CSMD1: variants seen among roughly 807,000 people sequenced by gnomAD.
CSMD1 encodes the protein CUB and Sushi multiple domains 1.
A neutral mutation model predicts 417.5 loss-of-function variants in CSMD1; 213 were observed. That is an observed-to-expected ratio of 0.51 (90% CI 0.46 to 0.57). The LOEUF is 0.57. CSMD1 is among the 20% of genes least tolerant of loss of function. The pLI is 0.00. For missense variants in CSMD1, 6,923 were observed against 4,529.7 expected, an observed-to-expected ratio of 1.53 and a Z score of -15.17; for synonymous variants, 2,862 against 1,736.8, an observed-to-expected ratio of 1.65 and a Z score of -16.11.
At chr8:3,380,865 A>T (rs1051051629) in intron 18 of CSMD1, among the ~76,000 whole-genome samples, 1 of 151,994 alleles carries the variant, frequency 6.6e-6, no homozygotes, top group Non-Finnish European at 1.5e-5. Flanking sequence ...CGATCCGCAC[A>T]TGTGTCCCAG....
chr8:4,631,539 C>T (rs1802516147), intron 2 of CSMD1, among the ~76,000 whole-genome samples: 1 of 151,972 alleles, frequency 6.6e-6, no homozygotes, highest in South Asian at 2.1e-4. Context: ...GAGACCCTTT[C>T]TTTAGCCCTC....
chr8:3,523,428 T>C (rs937296739), intron 10 of CSMD1, among the ~76,000 whole-genome samples: 3 of 152,208 alleles, frequency 2.0e-5, no homozygotes, highest in African/African-American at 7.2e-5. Context: ...GCAACCTAGA[T>C]GCAGAAACTG....
At chr8:3,300,694 C>T (rs765529277) in intron 25 of CSMD1, among the ~76,000 whole-genome samples, 30 of 152,090 alleles carry the variant, frequency 2.0e-4, no homozygotes, top group African/African-American at 5.3e-4. Flanking sequence ...TGGTGGCTCA[C>T]GCTTCTAATC....
chr8:3,554,102 G>C (rs745367756), intron 10 of CSMD1, among the ~76,000 whole-genome samples: 1 of 152,344 alleles, frequency 6.6e-6, no homozygotes, highest in East Asian at 1.9e-4. Flanking sequence ...CTTCATGACT[G>C]TATTTAATGC....
rs558066050 is a variant in CSMD1 at position 4,588,481 on chromosome 8, T to C, written c.302+48861A>G. 2.7e-4 allele frequency among the ~76,000 whole-genome samples: 41 copies of C among 151,866 alleles called. No homozygotes were observed. In the South Asian group the frequency reaches 8.4e-3, roughly 31 times the overall value. ...CACTGTATTTGAAACAGTGGTCTGA[T>C]GTTTTCTTTCCTGTTTAAGAAACTC... is the stretch of plus-strand genomic sequence containing the variant. On this transcript the variant is annotated intron_variant, in intron 2 of 69. Coordinates refer to ENST00000635120, the MANE Select transcript of CSMD1 (RefSeq NM_033225.6).
At chr8:4,485,428 G>C (rs1384344327) in intron 2 of CSMD1, among the ~76,000 whole-genome samples, 1 of 152,168 alleles carries the variant, frequency 6.6e-6, no homozygotes, top group Admixed American at 6.5e-5. Flanking sequence ...CACAGAGAGA[G>C]GAAGGGCTTC....
intron 3 of CSMD1, among the ~76,000 whole-genome samples, chr8:4,076,371 C>G (rs1359698640): frequency 6.6e-6 from 1 of 152,182 alleles, no homozygotes; most frequent in East Asian, 1.9e-4. Flanking sequence ...AAAAGTTACC[C>G]TGTCTGAGGT....
intron 5 of CSMD1, among the ~76,000 whole-genome samples, chr8:3,779,169 G>C (rs1379613237): frequency 2.0e-5 from 3 of 151,930 alleles, no homozygotes; most frequent in Non-Finnish European, 1.5e-5. Context: ...GTGTGTGTGT[G>C]TGTGTGTGTG....
intron 5 of CSMD1, among the ~76,000 whole-genome samples, chr8:3,971,852 T>C (rs1813111803): frequency 6.6e-6 from 1 of 152,204 alleles, no homozygotes; most frequent in Admixed American, 6.5e-5. Context: ...TTAGCTTGCC[T>C]GTGTATCTAC....
At chr8:3,486,463 G>A (rs567638165) in intron 11 of CSMD1, among the ~76,000 whole-genome samples, 1 of 152,266 alleles carries the variant, frequency 6.6e-6, no homozygotes, top group African/African-American at 2.4e-5. Context: ...AAATGCTTTT[G>A]ACTGATGAAT....
At chr8:3,536,582 C>CA (rs1332645794) in intron 10 of CSMD1, among the ~76,000 whole-genome samples, 1 of 152,168 alleles carries the variant, frequency 6.6e-6, no homozygotes, top group Non-Finnish European at 1.5e-5. Context: ...ACTTGGTAGT[C>CA]ACTGTCTCCA....
At chr8:3,549,053 G>A (rs1798798907) in intron 10 of CSMD1, among the ~76,000 whole-genome samples, 2 of 152,136 alleles carry the variant, frequency 1.3e-5, no homozygotes, top group African/African-American at 4.8e-5. Context: ...AGCCATCCCT[G>A]ATATCAACCC....
In CSMD1 at chr8:4,284,323, C is replaced by T. The variant is rs528692018; in HGVS notation, c.415+135630G>A. Among the ~76,000 whole-genome samples the T allele has an allele frequency of 5.5e-4, 83 of 152,114 alleles. 2 individuals are homozygous for T. The South Asian group carries it at 9.8e-3, about 18-fold the overall frequency. On this transcript the variant is annotated intron_variant, in intron 3 of 69. Coordinates refer to ENST00000635120, the MANE Select transcript of CSMD1 (RefSeq NM_033225.6). ...GCGGAGGTTGCCGTGAGCCGAGATC[C>T]TGCCAATGCACTCCAGCCTGGGGGA...
chr8:4,883,472 T>C (rs373647233), intron 1 of CSMD1, among the ~76,000 whole-genome samples: 2 of 152,232 alleles, frequency 1.3e-5, no homozygotes, highest in East Asian at 3.9e-4. Context: ...CCCATGACCA[T>C]TAGCAGTCAA....
chr8:4,148,553 G>A (rs757281317), intron 3 of CSMD1, among the ~76,000 whole-genome samples: 2 of 151,996 alleles, frequency 1.3e-5, no homozygotes, highest in Non-Finnish European at 2.9e-5. Flanking sequence ...TTGGAGTTCT[G>A]GAGGCTGAGA....
At chr8:4,594,903 G>A (rs868537009) in intron 2 of CSMD1, among the ~76,000 whole-genome samples, 9 of 152,068 alleles carry the variant, frequency 5.9e-5, no homozygotes, top group African/African-American at 2.2e-4. Context: ...GAATGTGGAT[G>A]GTTATAGTGG....
In CSMD1 at chr8:4,532,507, C is replaced by T. The variant is rs186941113; in HGVS notation, c.302+104835G>A. Among the ~76,000 whole-genome samples the T allele has an allele frequency of 1.1e-4, 17 of 148,480 alleles. No individual in the cohort carries two copies. The East Asian group carries it at 3.5e-3, about 30-fold the overall frequency. Reference sequence around the variant, plus strand: ...CTCCGGAAGAGAAATCCCGCACCCCCATTCAGTCACTCCGGAAGAGAAATC... The same window carrying T: ...CTCCGGAAGAGAAATCCCGCACCCCTATTCAGTCACTCCGGAAGAGAAATC... On this transcript the variant is annotated intron_variant, in intron 2 of 69. Transcript: ENST00000635120.
chr8:3,841,600 G>T (rs180674905), intron 5 of CSMD1, among the ~76,000 whole-genome samples: 2 of 151,812 alleles, frequency 1.3e-5, no homozygotes, highest in Non-Finnish European at 2.9e-5. Flanking sequence ...GCACTAGAAA[G>T]GATTTTAGAA....
chr8:4,185,304 T>C (rs547410434), intron 3 of CSMD1, among the ~76,000 whole-genome samples: 4 of 152,252 alleles, frequency 2.6e-5, no homozygotes, highest in South Asian at 4.1e-4. Context: ...CTTTTTGTTT[T>C]AGGGACCCTG....
Sources: gnomAD v4.1 joint callset for allele counts (sites outside exome capture counted in the v4.1 genomes callset) on GRCh38, gnomAD v4.1.1 for gene constraint, MANE v1.5 for transcripts, NCBI Gene and HGNC (gene_info 2026-07-23, HGNC 2026-07-21) for gene names.